NALF1: variants seen among roughly 807,000 people sequenced by gnomAD.
NALF1 encodes the protein NALCN channel auxiliary factor 1.
In NALF1, 3 loss-of-function variants were observed where a neutral mutation model predicts 48.4. That is an observed-to-expected ratio of 0.06 (90% confidence interval 0.03 to 0.16). The LOEUF is 0.16. Ranked by LOEUF, NALF1 falls within the 10% of genes least tolerant of loss-of-function variation. NALF1 has a pLI of 1.00. For missense variants in NALF1, 526 were observed against 571.5 expected, an observed-to-expected ratio of 0.92 and a Z score of 0.81; for synonymous variants, 262 against 245.7, an observed-to-expected ratio of 1.07 and a Z score of -0.62.
chr13:107,678,861 T>C (rs1881202162), intron 1 of NALF1, among the ~76,000 whole-genome samples: 1 of 152,166 alleles, frequency 6.6e-6, no homozygotes, highest in South Asian at 2.1e-4. Context: ...ACCTGGTCTC[T>C]CCCGTAACAC....
At chr13:107,267,646 T>C (rs1023717185) in intron 1 of NALF1, among the ~76,000 whole-genome samples, 2 of 152,238 alleles carry the variant, frequency 1.3e-5, no homozygotes, top group African/African-American at 4.8e-5. Context: ...TGTTTTCTTC[T>C]TGTACACACA....
chr13:107,691,381 C>G (rs551591716), intron 1 of NALF1, among the ~76,000 whole-genome samples: 1 of 152,290 alleles, frequency 6.6e-6, no homozygotes, highest in Admixed American at 6.5e-5. Flanking sequence ...TACAGCAGCC[C>G]TAGGAAACTG....
intron 1 of NALF1, among the ~76,000 whole-genome samples, chr13:107,734,503 C>G (rs1041026470): frequency 3.3e-5 from 5 of 151,868 alleles, no homozygotes; most frequent in Non-Finnish European, 5.9e-5. Context: ...TCCTGCAATA[C>G]CAGGAGTCTT....
At chr13:107,557,934 C>T (rs1877528198) in intron 1 of NALF1, among the ~76,000 whole-genome samples, 1 of 152,128 alleles carries the variant, frequency 6.6e-6, no homozygotes, top group Non-Finnish European at 1.5e-5. Context: ...TGTCTGTGCA[C>T]TAATGTTGTG....
chr13:107,508,644 C>G (rs1875777534), intron 1 of NALF1, among the ~76,000 whole-genome samples: 2 of 151,972 alleles, frequency 1.3e-5, no homozygotes, highest in African/African-American at 4.8e-5. Context: ...CTTTCAAATT[C>G]AAGTTGTTTT....
At chr13:107,651,140 A>T (rs1880442258) in intron 1 of NALF1, among the ~76,000 whole-genome samples, 1 of 152,186 alleles carries the variant, frequency 6.6e-6, no homozygotes, top group South Asian at 2.1e-4. Context: ...TGATGAGATA[A>T]AAGGAAAATG....
chr13:107,309,776 A>G (rs1182798209), intron 1 of NALF1, among the ~76,000 whole-genome samples: 1 of 152,214 alleles, frequency 6.6e-6, no homozygotes, highest in African/African-American at 2.4e-5. Flanking sequence ...CAAATTCCTT[A>G]AAAGCACATT....
chr13:107,382,518 A>G (rs1306446109), intron 1 of NALF1, among the ~76,000 whole-genome samples: 1 of 152,182 alleles, frequency 6.6e-6, no homozygotes, highest in Non-Finnish European at 1.5e-5. Context: ...ATTTTACATA[A>G]CTGTAGTTTA....
chr13:107,387,739 A>G (rs1257459745), intron 1 of NALF1, among the ~76,000 whole-genome samples: 4 of 152,192 alleles, frequency 2.6e-5, no homozygotes, highest in African/African-American at 4.8e-5. Context: ...CAAGCCCAGA[A>G]AGCTAACAAT....
chr13:107,595,435 A>G (rs985288633), intron 1 of NALF1, among the ~76,000 whole-genome samples: 2 of 152,110 alleles, frequency 1.3e-5, no homozygotes, highest in Non-Finnish European at 2.9e-5. Flanking sequence ...GGCACTAGAA[A>G]CACAGTGGTA....
chr13:107,822,217 C>T (rs1286113892), intron 1 of NALF1, among the ~76,000 whole-genome samples: 1 of 151,984 alleles, frequency 6.6e-6, no homozygotes, highest in Non-Finnish European at 1.5e-5. Flanking sequence ...ACAATAAAGC[C>T]CAGTTTGACT....
chr13:107,492,224 A>G (rs1431576860), intron 1 of NALF1, among the ~76,000 whole-genome samples: 1 of 151,566 alleles, frequency 6.6e-6, no homozygotes, highest in African/African-American at 2.4e-5. Context: ...CTAATTTTGT[A>G]TATTTAGTAG....
intron 1 of NALF1, among the ~76,000 whole-genome samples, chr13:107,739,529 C>T (rs907187416): frequency 6.6e-6 from 1 of 151,320 alleles, no homozygotes; most frequent in East Asian, 1.9e-4. Context: ...TGATATTGAC[C>T]CTCACTGATT....
chr13:107,409,778 A>G (rs183064901), intron 1 of NALF1, among the ~76,000 whole-genome samples: 81 of 152,330 alleles, frequency 5.3e-4, no homozygotes, highest in African/African-American at 1.9e-3. Flanking sequence ...AAAGTAAATT[A>G]TAGATCTGGA....
At chr13:107,341,772 G>A (rs540091767) in intron 1 of NALF1, among the ~76,000 whole-genome samples, 7 of 151,384 alleles carry the variant, frequency 4.6e-5, no homozygotes, top group African/African-American at 1.7e-4. Context: ...GTGTGTGTGT[G>A]TATATATACA....
intron 1 of NALF1, among the ~76,000 whole-genome samples, chr13:107,230,295 G>A (rs1415633957): frequency 6.6e-6 from 1 of 152,012 alleles, no homozygotes; most frequent in Non-Finnish European, 1.5e-5. Context: ...AGAAAAAAAT[G>A]TATTCTACTC....
At chr13:107,594,250 A>G (rs141206153) in intron 1 of NALF1, among the ~76,000 whole-genome samples, 237 of 152,208 alleles carry the variant, frequency 1.6e-3, no homozygotes, top group African/African-American at 5.5e-3. Flanking sequence ...ATTTTACTAC[A>G]TCAATTCCCC....
chr13:107,650,633 C>G (rs1369883706), intron 1 of NALF1, among the ~76,000 whole-genome samples: 2 of 151,936 alleles, frequency 1.3e-5, no homozygotes, highest in African/African-American at 4.8e-5. Flanking sequence ...GTGGTGTATA[C>G]TGCCCGGGTG....
intron 1 of NALF1, among the ~76,000 whole-genome samples, chr13:107,340,176 CTT>C (rs5806647): frequency 2.8e-3 from 403 of 141,638 alleles, no homozygotes; most frequent in Non-Finnish European, 3.2e-3. Flanking sequence ...ACTTACATTC[CTT>C]TTTTTTTTTT....
Sources: gnomAD v4.1 joint callset for allele counts (sites outside exome capture counted in the v4.1 genomes callset) on GRCh38, gnomAD v4.1.1 for gene constraint, MANE v1.5 for transcripts, NCBI Gene and HGNC (gene_info 2026-07-23, HGNC 2026-07-21) for gene names.